PKHD1: variants seen among roughly 807,000 people sequenced by gnomAD.
PKHD1 encodes the protein fibrocystin.
Under a neutral mutation model 412.0 loss-of-function variants are expected in PKHD1, and 291 were observed. The observed-to-expected ratio is 0.71, with a 90% CI of 0.64 to 0.78. The LOEUF (loss-of-function observed/expected upper bound fraction) is 0.78, where lower values mean the gene tolerates loss of function less well. Ranked by LOEUF, PKHD1 falls within the 30% of genes least tolerant of loss-of-function variation. PKHD1 has a pLI of 0.00. For synonymous variants in PKHD1, 1,777 were observed against 1,821.5 expected, an observed-to-expected ratio of 0.98 and a Z score of 0.62; for missense variants, 4,825 against 4,950.7, an observed-to-expected ratio of 0.97 and a Z score of 0.76.
intron 60 of PKHD1, among the ~76,000 whole-genome samples, chr6:51,703,970 G>A (rs1333557093): frequency 6.6e-6 from 1 of 151,990 alleles, no homozygotes; most frequent in Non-Finnish European, 1.5e-5. Flanking sequence ...CATTTGAAGG[G>A]TAGCTAGTTT....
chr6:51,667,221 T>C (rs1237488876), intron 60 of PKHD1, among the ~76,000 whole-genome samples: 1 of 143,762 alleles, frequency 7.0e-6, no homozygotes, highest in East Asian at 2.0e-4. Flanking sequence ...TTCCTGACTT[T>C]TTAATGATTG....
intron 57 of PKHD1, among the ~76,000 whole-genome samples, chr6:51,750,888 C>G (rs1302870693): frequency 6.6e-6 from 1 of 151,968 alleles, no homozygotes; most frequent in Non-Finnish European, 1.5e-5. Context: ...GTGATCCTAC[C>G]ACCTCAGCCT....
At chr6:52,007,764 A>C (rs1799276532) in intron 35 of PKHD1, among the ~76,000 whole-genome samples, 1 of 152,216 alleles carries the variant, frequency 6.6e-6, no homozygotes, top group Non-Finnish European at 1.5e-5. Flanking sequence ...ATCTAGAATT[A>C]ACAATTTTCC....
chr6:51,911,720 C>A, intron 39 of PKHD1, 79 bp downstream of exon 39: 1 of 1,261,328 alleles, frequency 7.9e-7, no homozygotes, highest in Non-Finnish European at 1.2e-6. Context: ...AGAGGTCAAC[C>A]ACAGCAATGC....
chr6:51,655,307 G>A (rs1771632230), intron 61 of PKHD1, among the ~76,000 whole-genome samples: 1 of 152,124 alleles, frequency 6.6e-6, no homozygotes, highest in African/African-American at 2.4e-5. Flanking sequence ...GATACATAAA[G>A]AGGAGAAGAT....
chr6:51,885,550 G>T (rs1357955556), intron 45 of PKHD1, among the ~76,000 whole-genome samples: 1 of 152,140 alleles, frequency 6.6e-6, no homozygotes, highest in Non-Finnish European at 1.5e-5. Context: ...GAGATGGAAA[G>T]AAGGAATAGG....
At position 52,017,586 on chromosome 6, in the gene PKHD1, G is replaced by C. The variant is rs759192856; in HGVS notation, c.5424C>G (p.Ser1808Arg). 1 of 1,613,990 alleles carries C rather than the reference G, an allele frequency of 6.2e-7. No individual in the cohort carries two copies. Among genetic ancestry groups the C allele is most frequent in the Non-Finnish European group, 8.5e-7 (1 of 1,179,978 alleles). Residue 1808 changes from serine to arginine, a missense_variant, in exon 34 of 67, where the codon AGC becomes AGG. By Grantham distance (110) the Ser-to-Arg change is moderately radical (BLOSUM62 -1). Coordinates refer to ENST00000371117, the MANE Select transcript of PKHD1 (RefSeq NM_138694.4). ...FLCGLKREED[S>R]CEAARHTYVQ... Reference sequence around the variant, plus strand: ...CATAGGTGTGTCTGGCAGCCTCACAGCTGTCCTCCTCACGCTTCAGGCCAC... The same window carrying C: ...CATAGGTGTGTCTGGCAGCCTCACACCTGTCCTCCTCACGCTTCAGGCCAC...
intron 63 of PKHD1, among the ~76,000 whole-genome samples, chr6:51,644,358 G>A (rs940273541): frequency 1.6e-4 from 24 of 152,142 alleles, no homozygotes; most frequent in African/African-American, 5.8e-4. Context: ...TAGGCAATGT[G>A]CACCATATGA....
At position 52,056,802 on chromosome 6, in the gene PKHD1, A is replaced by C; in HGVS notation, c.1603-14T>G. On this transcript the variant is annotated splice_polypyrimidine_tract_variant and intron_variant, in intron 17 of 66. Transcript: ENST00000371117. Reference sequence around the variant, plus strand: ...GGTTGTTTGAATCTATTACAAAGGAAAAAAATGCCAGGAATTTATATCATG... The same window carrying C: ...GGTTGTTTGAATCTATTACAAAGGACAAAAATGCCAGGAATTTATATCATG... 1 of 1,604,578 alleles carries C rather than the reference A, an allele frequency of 6.2e-7. No homozygotes were observed. The highest frequency in any genetic ancestry group is 8.5e-7 in the Non-Finnish European group (1 of 1,171,224).
intron 52 of PKHD1, among the ~76,000 whole-genome samples, chr6:51,802,596 T>C (rs1327962604): frequency 6.6e-6 from 1 of 151,634 alleles, no homozygotes; most frequent in Non-Finnish European, 1.5e-5. Flanking sequence ...TTTGTTTCCT[T>C]AAGAATAATA....
intron 35 of PKHD1, among the ~76,000 whole-genome samples, chr6:51,989,473 G>T (rs1796606876): frequency 6.6e-6 from 1 of 152,184 alleles, no homozygotes; most frequent in Non-Finnish European, 1.5e-5. Flanking sequence ...CACACCTGCA[G>T]GGGTGTCTCT....
At chr6:51,929,697 G>A (rs1408766856) in intron 37 of PKHD1, among the ~76,000 whole-genome samples, 1 of 152,186 alleles carries the variant, frequency 6.6e-6, no homozygotes, top group Non-Finnish European at 1.5e-5. Context: ...GGCATTTTCA[G>A]AAGGAAAACA....
At chr6:51,833,023 G>A (rs1242580196) in intron 51 of PKHD1, among the ~76,000 whole-genome samples, 1 of 152,030 alleles carries the variant, frequency 6.6e-6, no homozygotes, top group Non-Finnish European at 1.5e-5. Context: ...TCCCAATGTT[G>A]CCTGCTTCCC....
chr6:51,657,944 C>G (rs2150406515), intron 61 of PKHD1, among the ~76,000 whole-genome samples: 1 of 152,108 alleles, frequency 6.6e-6, no homozygotes, highest in Middle Eastern at 3.4e-3. Flanking sequence ...CTCTTTCTCT[C>G]TAGACAAAAA....
chr6:52,007,783 A>C (rs1799278790), intron 35 of PKHD1, among the ~76,000 whole-genome samples: 1 of 152,222 alleles, frequency 6.6e-6, no homozygotes, highest in African/African-American at 2.4e-5. Flanking sequence ...CCCATTATAC[A>C]GAATGTTGTT....
At position 51,619,523 on chromosome 6, in the gene PKHD1, G is replaced by T. The variant is rs746467881; in HGVS notation, c.11786-3C>A. On this transcript the variant is annotated splice_polypyrimidine_tract_variant and splice_region_variant and intron_variant, in intron 66 of 66. Transcript: ENST00000371117. Reference sequence around the variant, plus strand: ...CAGCATGACCTTCATTCTCATATCTGGGGGGAAAAGAAATAGGGGAAGAAA... The same window carrying T: ...CAGCATGACCTTCATTCTCATATCTTGGGGGAAAAGAAATAGGGGAAGAAA... 8.1e-5 allele frequency: 130 copies of T among 1,610,964 alleles called. No individual in the cohort carries two copies. Among genetic ancestry groups the T allele is most frequent in the Non-Finnish European group, 1.1e-4 (125 of 1,177,330 alleles).
chr6:51,826,431 C>T (rs1767337319), intron 52 of PKHD1, among the ~76,000 whole-genome samples: 1 of 152,120 alleles, frequency 6.6e-6, no homozygotes. Flanking sequence ...CCCTTCAAAA[C>T]AGAATCCTGA....
intron 35 of PKHD1, among the ~76,000 whole-genome samples, chr6:52,004,664 T>C (rs983779682): frequency 1.3e-5 from 2 of 152,228 alleles, no homozygotes; most frequent in Non-Finnish European, 2.9e-5. Context: ...TGTTAAGCCC[T>C]GTTTTCAGGA....
At chr6:51,893,936 C>A (rs774564816) in intron 43 of PKHD1, among the ~76,000 whole-genome samples, 1 of 152,170 alleles carries the variant, frequency 6.6e-6, no homozygotes, top group African/African-American at 2.4e-5. Context: ...AGTTTTTCCA[C>A]GGACTATCCT....
Sources: gnomAD v4.1 joint callset for allele counts (sites outside exome capture counted in the v4.1 genomes callset) on GRCh38, gnomAD v4.1.1 for gene constraint, MANE v1.5 for transcripts, NCBI Gene and HGNC (gene_info 2026-07-23, HGNC 2026-07-21) for gene names.